DPYD: variants seen among roughly 807,000 people sequenced by gnomAD.
DPYD encodes dihydropyrimidine dehydrogenase [NADP(+)].
In DPYD, 109 loss-of-function variants were observed where a neutral mutation model predicts 116.2. The observed-to-expected ratio is 0.94, with a 90% confidence interval of 0.80 to 1.10. The LOEUF (loss-of-function observed/expected upper bound fraction) is 1.10, where lower values mean the gene tolerates loss of function less well. Among genes scored for constraint, DPYD ranks in the 50% least tolerant of loss-of-function variants. The pLI is 0.00. For synonymous variants in DPYD, 440 were observed against 432.0 expected (o/e 1.02, Z -0.23); for missense variants, 1,302 against 1,254.5 (o/e 1.04, Z -0.57).
At chr1:97,290,890 T>C (rs1264115555) in intron 18 of DPYD, among the ~76,000 whole-genome samples, 1 of 151,732 alleles carries the variant, frequency 6.6e-6, no homozygotes, top group African/African-American at 2.4e-5. Context: ...ACCATCAGAG[T>C]GAACAGGCAA....
intron 2 of DPYD, among the ~76,000 whole-genome samples, chr1:97,833,980 A>C (rs752191043): frequency 1.3e-5 from 2 of 152,124 alleles, no homozygotes; most frequent in Non-Finnish European, 2.9e-5. Context: ...GCTATGCTAT[A>C]TACAATTTCA....
At chr1:97,567,706 T>C (rs1456347434) in intron 11 of DPYD, among the ~76,000 whole-genome samples, 1 of 152,162 alleles carries the variant, frequency 6.6e-6, no homozygotes, top group African/African-American at 2.4e-5. Flanking sequence ...TCAAACTTAG[T>C]TGAAAATTCA....
At chr1:97,119,290 A>C (rs2101640977) in intron 20 of DPYD, among the ~76,000 whole-genome samples, 1 of 152,264 alleles carries the variant, frequency 6.6e-6, no homozygotes, top group South Asian at 2.1e-4. Flanking sequence ...ATGCTAGAAA[A>C]CCATTCAAAG....
At chr1:97,764,930 G>A in intron 3 of DPYD, among the ~76,000 whole-genome samples, 1 of 152,178 alleles carries the variant, frequency 6.6e-6, no homozygotes, top group Middle Eastern at 3.4e-3. Flanking sequence ...AGATGTTATA[G>A]TTTAAGTATA....
chr1:97,551,566 TAAG>T (rs1651323473), intron 11 of DPYD, among the ~76,000 whole-genome samples: 1 of 152,118 alleles, frequency 6.6e-6, no homozygotes, highest in African/African-American at 2.4e-5. Flanking sequence ...AATAAAAAGA[TAAG>T]AAATTCAAAA....
At chr1:97,267,606 A>G (rs902471892) in intron 18 of DPYD, among the ~76,000 whole-genome samples, 3 of 152,082 alleles carry the variant, frequency 2.0e-5, no homozygotes, top group African/African-American at 7.2e-5. Flanking sequence ...TATAATGGGC[A>G]TTAATCCATT....
intron 11 of DPYD, among the ~76,000 whole-genome samples, chr1:97,563,120 C>A (rs1252202633): frequency 6.6e-6 from 1 of 152,134 alleles, no homozygotes; most frequent in Non-Finnish European, 1.5e-5. Flanking sequence ...CAATAATAAT[C>A]TCACTCTGCA....
At chr1:97,218,415 T>C (rs1391046617) in intron 19 of DPYD, among the ~76,000 whole-genome samples, 1 of 151,926 alleles carries the variant, frequency 6.6e-6, no homozygotes, top group African/African-American at 2.4e-5. Context: ...CAGCTTTAAT[T>C]TCATCTCACT....
At chr1:97,875,380 C>T (rs1315967374) in intron 2 of DPYD, among the ~76,000 whole-genome samples, 1 of 151,862 alleles carries the variant, frequency 6.6e-6, no homozygotes, top group Non-Finnish European at 1.5e-5. Flanking sequence ...TTAATAAACA[C>T]ATAGATGGGC....
intron 6 of DPYD, among the ~76,000 whole-genome samples, chr1:97,693,887 G>C (rs1012696869): frequency 2.0e-5 from 3 of 152,096 alleles, no homozygotes; most frequent in African/African-American, 4.8e-5. Flanking sequence ...CAAGTCAATG[G>C]TTCTGACTTA....
At chr1:97,365,554 T>G (rs1269720675) in intron 16 of DPYD, among the ~76,000 whole-genome samples, 1 of 152,202 alleles carries the variant, frequency 6.6e-6, no homozygotes, top group South Asian at 2.1e-4. Context: ...AGGGTGATTT[T>G]TAAAAAACTT....
chr1:97,578,030 G>T (rs956685628), intron 10 of DPYD, among the ~76,000 whole-genome samples: 1 of 151,886 alleles, frequency 6.6e-6, no homozygotes, highest in Non-Finnish European at 1.5e-5. Flanking sequence ...ATTTTTAGTA[G>T]AGACGGGGTT....
intron 4 of DPYD, among the ~76,000 whole-genome samples, chr1:97,727,666 T>C (rs1235096342): frequency 6.6e-6 from 1 of 151,784 alleles, no homozygotes; most frequent in Non-Finnish European, 1.5e-5. Context: ...ACAAGTCACC[T>C]TTGCAATCTA....
chr1:97,631,804 T>C (rs927601373), intron 8 of DPYD, among the ~76,000 whole-genome samples: 2 of 151,890 alleles, frequency 1.3e-5, no homozygotes, highest in Admixed American at 6.6e-5. Flanking sequence ...TGTGGGGATA[T>C]GGGGGATAGA....
intron 14 of DPYD, among the ~76,000 whole-genome samples, chr1:97,403,815 T>C (rs1673503636): frequency 6.6e-6 from 1 of 152,020 alleles, no homozygotes. Flanking sequence ...ATTCTTATTA[T>C]TCATTTTGTT....
intron 16 of DPYD, among the ~76,000 whole-genome samples, chr1:97,327,546 G>C (rs1239970587): frequency 6.6e-6 from 1 of 151,638 alleles, no homozygotes; most frequent in African/African-American, 2.4e-5. Flanking sequence ...AAATTAAAAA[G>C]GTCTATTTCC....
At chr1:97,438,380 T>C (rs894658025) in intron 14 of DPYD, among the ~76,000 whole-genome samples, 1 of 152,090 alleles carries the variant, frequency 6.6e-6, no homozygotes, top group African/African-American at 2.4e-5. Context: ...TATTAGGTTG[T>C]CTTTAATTTC....
chr1:97,501,581 C>G (rs1404846975), intron 13 of DPYD, among the ~76,000 whole-genome samples: 1 of 151,926 alleles, frequency 6.6e-6, no homozygotes, highest in Non-Finnish European at 1.5e-5. Flanking sequence ...TGTGGTAGTG[C>G]ACGCCTATAG....
At chr1:97,690,065 C>T (rs934986581) in intron 7 of DPYD, among the ~76,000 whole-genome samples, 2 of 152,168 alleles carry the variant, frequency 1.3e-5, no homozygotes, top group Admixed American at 1.3e-4. Context: ...CCCACACCTT[C>T]TCAAAGGCAA....
Sources: allele counts gnomAD v4.1 joint callset (sites outside exome capture counted in the v4.1 genomes callset), GRCh38; gene constraint gnomAD v4.1.1; transcripts MANE v1.5; gene names NCBI Gene and HGNC (gene_info 2026-07-23, HGNC 2026-07-21).